Variants in CDC42BPB observed in about 807,000 individuals in gnomAD.
CDC42BPB encodes serine/threonine-protein kinase MRCK beta.
In CDC42BPB, 37 loss-of-function variants were observed where a neutral mutation model predicts 214.9. The observed-to-expected ratio is 0.17, with a 90% CI of 0.13 to 0.23. The LOEUF (loss-of-function observed/expected upper bound fraction) is 0.23. Among genes scored for constraint, CDC42BPB ranks in the 10% least tolerant of loss-of-function variants. The pLI is 1.00. For missense variants in CDC42BPB, 1,694 were observed against 2,227.0 expected (o/e 0.76, Z 4.82); for synonymous variants, 931 against 884.0 (o/e 1.05, Z -0.94).
intron 24 of CDC42BPB, 22 bp downstream of exon 24, chr14:102,952,476 C>T (rs1892534432): frequency 6.5e-7 from 1 of 1,530,016 alleles, no homozygotes; most frequent in African/African-American, 1.4e-5. Flanking sequence ...ACGCTGACCC[C>T]AGGAGCTGCA....
At chr14:103,028,757 T>C (rs536251442) in intron 1 of CDC42BPB, among the ~76,000 whole-genome samples, 1 of 152,360 alleles carries the variant, frequency 6.6e-6, no homozygotes, top group South Asian at 2.1e-4. Flanking sequence ...CCTATCTAAA[T>C]ACAAGTACAT....
intron 7 of CDC42BPB, among the ~76,000 whole-genome samples, chr14:102,983,281 G>C (rs1894087398): frequency 6.6e-6 from 1 of 152,126 alleles, no homozygotes; most frequent in South Asian, 2.1e-4. Context: ...GCTTGGAGCA[G>C]GCCAGCGTCC....
chr14:102,939,483 C>T (rs947228069), intron 34 of CDC42BPB, 127 bp downstream of exon 34: 12 of 690,534 alleles, frequency 1.7e-5, no homozygotes, highest in African/African-American at 1.2e-4. Context: ...GTGACAGGAG[C>T]GCCAGGTCAG....
In CDC42BPB at chr14:103,001,929, T is replaced by C. The variant is rs1200455336; in HGVS notation, c.447+1999A>G. On this transcript the variant is annotated intron_variant, in intron 4 of 36. Coordinates refer to ENST00000361246, the MANE Select transcript of CDC42BPB (RefSeq NM_006035.4). This position sits in a 1 kb window ranked among gnomAD's most constrained non-coding sequence, Gnocchi z 5.8. ...CTCTGAGGAAAGCTAACGCGGGAGC[T>C]CGTGAGGCAGACGGCGGAGGCCCAC... Among the ~76,000 whole-genome samples, 1 of 152,100 alleles carries C rather than the reference T, an allele frequency of 6.6e-6. No individual in the cohort carries two copies. Among genetic ancestry groups the C allele is most frequent in the African/African-American group, 2.4e-5 (1 of 41,406 alleles).
At chr14:102,984,259 G>A (rs1163752734) in intron 6 of CDC42BPB, among the ~76,000 whole-genome samples, 1 of 152,148 alleles carries the variant, frequency 6.6e-6, no homozygotes, top group Non-Finnish European at 1.5e-5. Context: ...GGCCACATGT[G>A]CACAGGCCAG....
In CDC42BPB at chr14:102,950,231, G is replaced by GCCCA. The variant is rs35734962; in HGVS notation, c.3309+231_3309+234dup. Among the ~76,000 whole-genome samples the GCCCA allele has an allele frequency of 4.7e-3, 720 of 152,362 alleles. 8 individuals carry two copies. Among genetic ancestry groups the GCCCA allele is most frequent in the African/African-American group, 0.016 (686 of 41,592 alleles). On this transcript the variant is annotated intron_variant, in intron 25 of 36. Coordinates refer to ENST00000361246, the MANE Select transcript of CDC42BPB (RefSeq NM_006035.4). ...CTTCTGCCCACTGGCTGGACACTCA[G>GCCCA]CCCAGGATGGACTCTGAGTGAGCGT... is the stretch of plus-strand genomic sequence containing the variant.
At chr14:102,954,961 C>T (rs542965198) in intron 21 of CDC42BPB, 4 of 213,166 alleles carry the variant, frequency 1.9e-5, no homozygotes, top group South Asian at 1.6e-4. Context: ...ACAGTCACCC[C>T]GCTGAGGTGA....
At chr14:103,056,908 G>T in intron 1 of CDC42BPB, 91 bp downstream of exon 1, 1 of 957,262 alleles carries the variant, frequency 1.0e-6, no homozygotes, top group Non-Finnish European at 1.4e-6. Context: ...GGCAGGGTCT[G>T]TCCGGGCGGG....
At chr14:103,046,446 G>C (rs1012893192) in intron 1 of CDC42BPB, among the ~76,000 whole-genome samples, 5 of 152,138 alleles carry the variant, frequency 3.3e-5, no homozygotes, top group Non-Finnish European at 5.9e-5. Flanking sequence ...CAGAGTTTCG[G>C]AGAGAAGCCT....
At chr14:102,969,325 G>C (rs1037611296) in intron 14 of CDC42BPB, among the ~76,000 whole-genome samples, 5 of 152,166 alleles carry the variant, frequency 3.3e-5, no homozygotes, top group Admixed American at 3.3e-4. Flanking sequence ...CTGCTGGGCT[G>C]GAGCAGGCAG....
chr14:103,038,716 G>A (rs965519622), intron 1 of CDC42BPB, among the ~76,000 whole-genome samples: 3 of 51,142 alleles, frequency 5.9e-5, no homozygotes, highest in African/African-American at 3.9e-4. Flanking sequence ...TTGTAGAGAC[G>A]GGGGGGGGGG....
At chr14:102,935,691 G>C (rs1451324551) in intron 36 of CDC42BPB, among the ~76,000 whole-genome samples, 2 of 149,912 alleles carry the variant, frequency 1.3e-5, no homozygotes, top group African/African-American at 2.5e-5. Flanking sequence ...TTGGGAGTCT[G>C]AGGCATGAGA....
chr14:102,949,162 G>A (rs1333403955), intron 26 of CDC42BPB, among the ~76,000 whole-genome samples: 1 of 152,164 alleles, frequency 6.6e-6, no homozygotes, highest in Non-Finnish European at 1.5e-5. Flanking sequence ...TTAGTGATGC[G>A]TTTACCTTCA....
At position 103,041,454 on chromosome 14, in the gene CDC42BPB, G is replaced by T. The variant is rs533555957; in HGVS notation, c.175+15545C>A. On this transcript the variant is annotated intron_variant, in intron 1 of 36. Coordinates refer to ENST00000361246, the MANE Select transcript of CDC42BPB (RefSeq NM_006035.4). ...TTAAATTTGTTTTCCTGCACAGAAGGGGCTCTAGGCAGCCATGGCGCCCAG... is the reference window on the plus strand; with the variant it reads ...TTAAATTTGTTTTCCTGCACAGAAGTGGCTCTAGGCAGCCATGGCGCCCAG... 6.0e-6 allele frequency: 6 copies of T among 993,620 alleles called. No individual in the cohort carries two copies. In the African/African-American group the frequency reaches 9.6e-5, roughly 16 times the overall value. 61.6% of individuals were successfully genotyped at this position (993,620 alleles called of 1,614,324 possible).
chr14:103,003,328 G>A (rs1450898125), intron 4 of CDC42BPB, among the ~76,000 whole-genome samples: 4 of 152,200 alleles, frequency 2.6e-5, no homozygotes, highest in Non-Finnish European at 4.4e-5. Context: ...CCCCTTCACC[G>A]CCAAGTCAGC....
In CDC42BPB at chr14:102,950,577, G is replaced by C. The variant is rs868439450; in HGVS notation, c.3198C>G (p.Ser1066=). The C allele has an allele frequency of 6.2e-7, 1 of 1,600,196 alleles. No individual in the cohort carries two copies. Among genetic ancestry groups the C allele is most frequent in the South Asian group, 1.1e-5 (1 of 89,540 alleles). ...ACACCTGGGGGGCACCGTCTTTGCA[G>C]GACACGTGGCAAGCAAAGGAACACA... is the stretch of plus-strand genomic sequence containing the variant. ...CEVCSFACHV[S]CKDGAPQVCP... The change falls in exon 25 of 37, where the codon TCC becomes TCG. Residue 1066 remains serine, a synonymous_variant. Coordinates refer to ENST00000361246, the MANE Select transcript of CDC42BPB (RefSeq NM_006035.4).
intron 1 of CDC42BPB, among the ~76,000 whole-genome samples, chr14:103,047,313 T>C (rs1030087046): frequency 1.3e-5 from 2 of 149,058 alleles, no homozygotes; most frequent in Non-Finnish European, 3.0e-5. Flanking sequence ...GAACAAACAT[T>C]AAAACTACAG....
chr14:102,932,892 A>AGGGCG lies in CDC42BPB; in HGVS notation c.*815_*819dup, dbSNP rs1453328680. 4.5e-4 allele frequency: 2 copies of AGGGCG among 4,456 alleles called. No homozygotes were observed. The highest frequency in any genetic ancestry group is 1.0e-3 in the Non-Finnish European group (2 of 1,930). 0.3% of individuals were successfully genotyped at this position (4,456 alleles called of 1,614,324 possible). A position where few individuals can be genotyped will look rare whatever the true frequency, so the allele number is the denominator to read the frequency against. ...AGGACTGGTGGGGGGGGGGGCGGGC[A>AGGGCG]GGGCGGGGCGGGGTGGGGTATCCCA... On this transcript the variant is annotated 3_prime_UTR_variant, in exon 37 of 37. Transcript: ENST00000361246.
At chr14:102,966,967 T>A in intron 17 of CDC42BPB, 79 bp downstream of exon 17, 1 of 1,517,956 alleles carries the variant, frequency 6.6e-7, no homozygotes, top group Non-Finnish European at 9.0e-7. Context: ...GAGCACAGGA[T>A]CAGGCAGAAG....
Sources: gnomAD v4.1 joint callset for allele counts (sites outside exome capture counted in the v4.1 genomes callset) on GRCh38, gnomAD v4.1.1 for gene constraint, Gnocchi (gnomAD v3.1) non-coding constraint, MANE v1.5 for transcripts, NCBI Gene and HGNC (gene_info 2026-07-23, HGNC 2026-07-21) for gene names.